The following TMC1 variants were observed in gnomAD, a reference collection of about 807,000 sequenced individuals.
TMC1 encodes transmembrane channel-like protein 1.
In TMC1, 84 loss-of-function variants were observed where a neutral mutation model predicts 105.8. The observed-to-expected ratio is 0.79, with a 90% CI of 0.67 to 0.95. TMC1 has a LOEUF of 0.95. Among genes scored for constraint, TMC1 ranks in the 40% least tolerant of loss-of-function variants. The probability of loss-of-function intolerance (pLI) is 0.00; values close to 1 mark genes in which losing one functional copy is unlikely to be tolerated. For missense variants in TMC1, 817 were observed against 914.1 expected, an observed-to-expected ratio of 0.89 and a Z score of 1.37; for synonymous variants, 315 against 311.5, an observed-to-expected ratio of 1.01 and a Z score of -0.12.
chr9:72,541,621 G>A (rs1238994893), intron 1 of TMC1, among the ~76,000 whole-genome samples: 2 of 151,686 alleles, frequency 1.3e-5, no homozygotes, highest in Non-Finnish European at 2.9e-5. Context: ...CCAGGAGGTG[G>A]AGGTTGCAGT....
chr9:72,603,750 A>G (rs1051573876), intron 2 of TMC1, among the ~76,000 whole-genome samples: 4 of 147,170 alleles, frequency 2.7e-5, no homozygotes, highest in Admixed American at 2.0e-4. Flanking sequence ...GGGTTTCACC[A>G]TGTTGGCTGG....
chr9:72,790,559 T>C (rs1828250262), intron 15 of TMC1, among the ~76,000 whole-genome samples: 2 of 152,184 alleles, frequency 1.3e-5, no homozygotes, highest in Non-Finnish European at 2.9e-5. Context: ...GGTCCATTAT[T>C]TATATTGGTT....
At chr9:72,539,945 A>G (rs556800074) in intron 1 of TMC1, among the ~76,000 whole-genome samples, 67 of 152,338 alleles carry the variant, frequency 4.4e-4, no homozygotes, top group African/African-American at 1.6e-3. Context: ...GGAAGCTTCC[A>G]TTCATGGCAG....
intron 5 of TMC1, among the ~76,000 whole-genome samples, chr9:72,660,740 T>A (rs2132160494): frequency 6.6e-6 from 1 of 152,290 alleles, no homozygotes; most frequent in African/African-American, 2.4e-5. Context: ...CCAGTCAAAA[T>A]TACGAAGTAT....
Position 72,805,344 on chromosome 9 carries a change from CA to C in TMC1, c.1567-37del, listed in dbSNP as rs760776901. On this transcript the variant is annotated intron_variant, in intron 17 of 23. Coordinates refer to ENST00000297784, the MANE Select transcript of TMC1 (RefSeq NM_138691.3). ...TACCAACACTAGGACCATTTGAAGA[CA>C]GAACTGTGTGTTTTAATAGAGATAA... is the stretch of plus-strand genomic sequence containing the variant. 3.7e-6 allele frequency: 6 copies of C among 1,610,170 alleles called. No homozygotes were observed. The South Asian group carries it at 5.5e-5, about 15-fold the overall frequency.
intron 13 of TMC1, among the ~76,000 whole-genome samples, chr9:72,772,771 G>A (rs1404100925): frequency 6.6e-6 from 1 of 152,058 alleles, no homozygotes; most frequent in African/African-American, 2.4e-5. Context: ...TCATCTCATG[G>A]GGTCAGACCA....
chr9:72,612,795 T>C (rs936552731), intron 2 of TMC1, among the ~76,000 whole-genome samples: 1 of 152,178 alleles, frequency 6.6e-6, no homozygotes, highest in African/African-American at 2.4e-5. Flanking sequence ...ACATTTTTGG[T>C]TGTCACAACT....
chr9:72,751,893 A>C lies in TMC1; in HGVS notation c.579A>C (p.Arg193Ser). The C allele has an allele frequency of 6.2e-7, 1 of 1,613,546 alleles. No individual in the cohort carries two copies. The highest frequency in any genetic ancestry group is 8.5e-7 in the Non-Finnish European group (1 of 1,179,640). Reference protein sequence around the residue: ...SSVASYFLFLRWMYGVNMVLF... With the variant: ...SSVASYFLFLSWMYGVNMVLF... ...TGGCCTCATACTTCCTCTTCTTGAG[A>C]TGGATGTATGGAGTCAATATGGTTC... is the stretch of plus-strand genomic sequence containing the variant. Residue 193 changes from arginine (R) to serine (S), a missense_variant, in exon 11 of 24, where the codon AGA (arginine) becomes AGC (serine). Arg to Ser is a moderately radical substitution (Grantham distance 110). Transcript: ENST00000297784.
intron 1 of TMC1, among the ~76,000 whole-genome samples, chr9:72,556,421 T>A (rs1004842680): frequency 5.9e-5 from 9 of 151,964 alleles, no homozygotes; most frequent in African/African-American, 2.2e-4. Context: ...CTGGCTTACT[T>A]GTGAAATTAA....
intron 17 of TMC1, among the ~76,000 whole-genome samples, chr9:72,804,359 C>T (rs1206409630): frequency 6.6e-6 from 1 of 151,932 alleles, no homozygotes; most frequent in Non-Finnish European, 1.5e-5. Context: ...TAAAACTGCA[C>T]GTGTACCCCA....
intron 2 of TMC1, among the ~76,000 whole-genome samples, chr9:72,614,199 C>G (rs1046357298): frequency 6.6e-6 from 1 of 152,068 alleles, no homozygotes; most frequent in East Asian, 1.9e-4. Context: ...TTGTTTGTGT[C>G]CAGTTTGAAG....
At chr9:72,704,807 T>C (rs1826707194) in intron 8 of TMC1, among the ~76,000 whole-genome samples, 1 of 152,202 alleles carries the variant, frequency 6.6e-6, no homozygotes, top group Non-Finnish European at 1.5e-5. Flanking sequence ...GAAATGTATA[T>C]TTTTATTTTT....
Position 72,583,080 on chromosome 9 carries a change from G to C in TMC1, c.-306+5057G>C, listed in dbSNP as rs138011308. Among the ~76,000 whole-genome samples the C allele has an allele frequency of 1.3e-3, 196 of 152,196 alleles. 1 individual carries two copies. Among genetic ancestry groups the C allele is most frequent in the African/African-American group, 4.2e-3 (174 of 41,532 alleles). On this transcript the variant is annotated intron_variant, in intron 2 of 23. Coordinates refer to ENST00000297784, the MANE Select transcript of TMC1 (RefSeq NM_138691.3). ...TACTAAAAATACAAAAAAATTAGCT[G>C]GATTGGTGGTGTGTGCCTGTGATCC...
At chr9:72,555,111 T>G (rs1270712326) in intron 1 of TMC1, among the ~76,000 whole-genome samples, 1 of 151,710 alleles carries the variant, frequency 6.6e-6, no homozygotes, top group Non-Finnish European at 1.5e-5. Context: ...ATTTCTGACC[T>G]CAAGTGATCC....
At chr9:72,815,113 T>C (rs2118280642) in intron 18 of TMC1, among the ~76,000 whole-genome samples, 1 of 152,268 alleles carries the variant, frequency 6.6e-6, no homozygotes, top group South Asian at 2.1e-4. Flanking sequence ...TACCAGTTGG[T>C]CAGTCTCCTC....
intron 7 of TMC1, among the ~76,000 whole-genome samples, chr9:72,699,115 A>G (rs1826598821): frequency 6.6e-6 from 1 of 152,156 alleles, no homozygotes; most frequent in Admixed American, 6.6e-5. Context: ...TAGCTTAAAA[A>G]CTGAAATAAT....
At chr9:72,680,699 C>A (rs1029538184) in intron 5 of TMC1, among the ~76,000 whole-genome samples, 2 of 152,064 alleles carry the variant, frequency 1.3e-5, no homozygotes, top group Non-Finnish European at 2.9e-5. Context: ...TAAGCCTTCA[C>A]CCTGACTCTA....
intron 8 of TMC1, among the ~76,000 whole-genome samples, chr9:72,732,156 A>G (rs1827221364): frequency 6.6e-6 from 1 of 152,234 alleles, no homozygotes; most frequent in Non-Finnish European, 1.5e-5. Context: ...ATAATTGCCT[A>G]GTCTTTGATC....
At position 72,705,228 on chromosome 9, in the gene TMC1, A is replaced by G. The variant is rs1826718939; in HGVS notation, c.362+4585A>G. On this transcript the variant is annotated intron_variant, in intron 8 of 23. Transcript: ENST00000297784. Reference sequence around the variant, plus strand: ...CTTATTACTTGTCTTGAAACCTAAGACTTTTAACTGTATCAGAACATTATA... The same window carrying G: ...CTTATTACTTGTCTTGAAACCTAAGGCTTTTAACTGTATCAGAACATTATA... Among the ~76,000 whole-genome samples the G allele has an allele frequency of 2.0e-5, 3 of 152,128 alleles. 1 individual carries two copies. In the East Asian group the frequency reaches 5.8e-4, roughly 29 times the overall value.
Sources: allele counts gnomAD v4.1 joint callset (sites outside exome capture counted in the v4.1 genomes callset), GRCh38; gene constraint gnomAD v4.1.1; transcripts MANE v1.5; gene names NCBI Gene and HGNC (gene_info 2026-07-23, HGNC 2026-07-21).